The following DENND1A variants were observed in gnomAD, a reference collection of about 807,000 sequenced individuals.
DENND1A encodes the protein DENN domain-containing protein 1A.
In DENND1A, 51 loss-of-function variants were observed where a neutral mutation model predicts 113.7. That is an observed-to-expected ratio of 0.45 (90% CI 0.36 to 0.57). The LOEUF is 0.57. DENND1A is among the 20% of genes least tolerant of loss of function. The probability of loss-of-function intolerance (pLI) is 0.00; values close to 1 mark genes in which losing one functional copy is unlikely to be tolerated. For missense variants in DENND1A, 1,258 were observed against 1,395.9 expected, an observed-to-expected ratio of 0.90 and a Z score of 1.57; for synonymous variants, 565 against 570.8, an observed-to-expected ratio of 0.99 and a Z score of 0.14.
At chr9:123,815,649 A>G (rs1837324437) in intron 2 of DENND1A, among the ~76,000 whole-genome samples, 1 of 152,224 alleles carries the variant, frequency 6.6e-6, no homozygotes, top group Non-Finnish European at 1.5e-5. Flanking sequence ...GGGTAAAAAT[A>G]TTAATTTAAT....
chr9:123,559,720 T>C (rs1183866130), intron 12 of DENND1A, among the ~76,000 whole-genome samples: 1 of 152,204 alleles, frequency 6.6e-6, no homozygotes, highest in Non-Finnish European at 1.5e-5. Context: ...AAGTACACAG[T>C]TCGGTGGTTT....
intron 18 of DENND1A, among the ~76,000 whole-genome samples, chr9:123,443,782 C>T (rs1391081452): frequency 1.3e-5 from 2 of 152,176 alleles, no homozygotes; most frequent in African/African-American, 4.8e-5. Flanking sequence ...TGGGGAAACC[C>T]CATATCTACA....
chr9:123,635,456 C>T (rs1165383702), intron 9 of DENND1A, among the ~76,000 whole-genome samples: 2 of 152,214 alleles, frequency 1.3e-5, no homozygotes, highest in Non-Finnish European at 2.9e-5. Context: ...TTCCACAATG[C>T]ATAATAAACT....
chr9:123,398,549 T>C (rs557839466), intron 21 of DENND1A, among the ~76,000 whole-genome samples: 77 of 151,922 alleles, frequency 5.1e-4, no homozygotes, highest in African/African-American at 1.5e-3. Flanking sequence ...TAATTTTTTG[T>C]ATTTTTTTTA....
intron 13 of DENND1A, among the ~76,000 whole-genome samples, chr9:123,511,670 A>G (rs2053471537): frequency 6.6e-6 from 1 of 152,224 alleles, no homozygotes; most frequent in South Asian, 2.1e-4. Context: ...TCTCCCATTG[A>G]AAAACGTGAC....
intron 3 of DENND1A, among the ~76,000 whole-genome samples, chr9:123,774,951 A>G (rs1355873580): frequency 2.0e-5 from 3 of 152,210 alleles, no homozygotes; most frequent in African/African-American, 7.2e-5. Flanking sequence ...ATACACCTTC[A>G]TGACCTTTGA....
chr9:123,847,178 G>A (rs1842742015), intron 2 of DENND1A, among the ~76,000 whole-genome samples: 1 of 152,246 alleles, frequency 6.6e-6, no homozygotes, highest in Non-Finnish European at 1.5e-5. Flanking sequence ...AGACACAGCT[G>A]AAGAGAGAAC....
At chr9:123,507,004 G>A (rs2053010552) in intron 13 of DENND1A, among the ~76,000 whole-genome samples, 1 of 152,114 alleles carries the variant, frequency 6.6e-6, no homozygotes, top group Non-Finnish European at 1.5e-5. Flanking sequence ...TGGCCAACAT[G>A]GTGAAACTCA....
intron 13 of DENND1A, among the ~76,000 whole-genome samples, chr9:123,498,026 T>C (rs915730513): frequency 1.6e-4 from 24 of 152,188 alleles, no homozygotes; most frequent in African/African-American, 2.4e-4. Flanking sequence ...AAGAAAGATA[T>C]GCGCAATTTT....
At chr9:123,678,374 T>C (rs2064227484) in intron 5 of DENND1A, among the ~76,000 whole-genome samples, 1 of 152,198 alleles carries the variant, frequency 6.6e-6, no homozygotes, top group Non-Finnish European at 1.5e-5. Context: ...TGCCACTTAC[T>C]TTCAACGGCT....
chr9:123,873,645 G>T (rs1405826212), intron 2 of DENND1A, among the ~76,000 whole-genome samples: 1 of 152,088 alleles, frequency 6.6e-6, no homozygotes, highest in Non-Finnish European at 1.5e-5. Flanking sequence ...CACCGATGAG[G>T]AATCAAATTT....
intron 10 of DENND1A, among the ~76,000 whole-genome samples, chr9:123,622,142 C>T (rs2060995145): frequency 6.6e-6 from 1 of 152,218 alleles, no homozygotes; most frequent in Non-Finnish European, 1.5e-5. Context: ...TTTGACTTCT[C>T]AGTTCAACAA....
intron 9 of DENND1A, among the ~76,000 whole-genome samples, chr9:123,635,602 C>A (rs565131098): frequency 6.6e-6 from 1 of 152,172 alleles, no homozygotes; most frequent in African/African-American, 2.4e-5. Context: ...CCAAATGTCT[C>A]GGACAAAATA....
intron 10 of DENND1A, among the ~76,000 whole-genome samples, chr9:123,614,279 C>G (rs1250924313): frequency 6.6e-6 from 1 of 152,184 alleles, no homozygotes; most frequent in Non-Finnish European, 1.5e-5. Context: ...AGTACTTAAG[C>G]TGAAAGGAAA....
intron 12 of DENND1A, among the ~76,000 whole-genome samples, chr9:123,577,768 A>G (rs1045365789): frequency 3.9e-5 from 6 of 152,166 alleles, no homozygotes; most frequent in African/African-American, 1.4e-4. Flanking sequence ...ATTCACCCCC[A>G]TGTAACTGGC....
At chr9:123,697,239 C>A (rs1245806600) in intron 5 of DENND1A, among the ~76,000 whole-genome samples, 1 of 152,132 alleles carries the variant, frequency 6.6e-6, no homozygotes, top group Non-Finnish European at 1.5e-5. Flanking sequence ...GATTAAAAAA[C>A]AACCATTTTA....
rs371321702 is a variant in DENND1A at position 123,401,922 on chromosome 9, G to C, written c.1631+1480C>G. On this transcript the variant is annotated intron_variant, in intron 21 of 23. Transcript: ENST00000394215. ...TGTTGCAATGGTGTTTCTGTGTAATGCAAGAATATTCTGGGTTTACATCTC... is the reference window on the plus strand; with the variant it reads ...TGTTGCAATGGTGTTTCTGTGTAATCCAAGAATATTCTGGGTTTACATCTC... 5 of 1,614,070 alleles carry C rather than the reference G, an allele frequency of 3.1e-6. No individual in the cohort carries two copies. The African/African-American group carries it at 6.7e-5, about 22-fold the overall frequency.
intron 12 of DENND1A, among the ~76,000 whole-genome samples, chr9:123,570,804 A>G (rs930230051): frequency 2.0e-5 from 3 of 152,210 alleles, no homozygotes; most frequent in African/African-American, 7.2e-5. Context: ...CTCACAGGGA[A>G]AGATCACACA....
At chr9:123,755,940 C>G in intron 5 of DENND1A, among the ~76,000 whole-genome samples, 1 of 152,114 alleles carries the variant, frequency 6.6e-6, no homozygotes, top group Admixed American at 6.5e-5. Flanking sequence ...GATGGAGTTT[C>G]GCTCTTGTCA....
Sources: gnomAD v4.1 joint callset for allele counts (sites outside exome capture counted in the v4.1 genomes callset) on GRCh38, gnomAD v4.1.1 for gene constraint, MANE v1.5 for transcripts, NCBI Gene and HGNC (gene_info 2026-07-23, HGNC 2026-07-21) for gene names.